The following CNTNAP2 variants were observed in gnomAD, a reference collection of about 807,000 sequenced individuals.
CNTNAP2 encodes the protein contactin-associated protein-like 2.
In CNTNAP2, 98 loss-of-function variants were observed where a neutral mutation model predicts 155.2. The ratio of observed to expected loss-of-function variants is 0.63; its 90% CI spans 0.54 to 0.75. The LOEUF (loss-of-function observed/expected upper bound fraction) is 0.75. Ranked by LOEUF, CNTNAP2 falls within the 30% of genes least tolerant of loss-of-function variation. CNTNAP2 has a pLI of 0.00. For missense variants in CNTNAP2, 1,727 were observed against 1,688.1 expected (o/e 1.02, Z -0.40); for synonymous variants, 651 against 631.2 (o/e 1.03, Z -0.47).
In CNTNAP2 at chr7:147,040,699, G is replaced by A. The variant is rs546895922; in HGVS notation, c.403-3208G>A. The stretch of plus-strand genomic sequence containing the variant: ...TGGTCTTGAACTCCTGACCTCAAGC[G>A]ATCAGCCCACCTTGGTCTCCCAAAG... On this transcript the variant is annotated intron_variant, in intron 3 of 23. Coordinates refer to ENST00000361727, the MANE Select transcript of CNTNAP2 (RefSeq NM_014141.6). Among the ~76,000 whole-genome samples, 6 of 152,056 alleles carry A rather than the reference G, an allele frequency of 3.9e-5. No individual in the cohort carries two copies. The South Asian group carries it at 8.3e-4, about 21-fold the overall frequency.
At chr7:147,706,554 G>T (rs1040694095) in intron 13 of CNTNAP2, among the ~76,000 whole-genome samples, 3 of 152,008 alleles carry the variant, frequency 2.0e-5, no homozygotes, top group African/African-American at 7.2e-5. Context: ...GCTGGTTTTA[G>T]AATTCTCTCT....
At chr7:146,456,204 G>T (rs1010825024) in intron 1 of CNTNAP2, among the ~76,000 whole-genome samples, 2 of 152,108 alleles carry the variant, frequency 1.3e-5, no homozygotes, top group Non-Finnish European at 2.9e-5. Context: ...AAAATAAAAG[G>T]TGGTTGATTT....
At chr7:148,285,849 T>A (rs897437398) in intron 21 of CNTNAP2, among the ~76,000 whole-genome samples, 3 of 152,192 alleles carry the variant, frequency 2.0e-5, no homozygotes, top group Admixed American at 6.5e-5. Context: ...TGACCCCCTA[T>A]GCAGTCAAAA....
Position 147,225,878 on chromosome 7 carries a change from AGAAGGAAG to A in CNTNAP2, c.1349-74243_1349-74236del, listed in dbSNP as rs3084356. 2.5e-3 allele frequency among the ~76,000 whole-genome samples: 278 copies of A among 111,656 alleles called. 4 individuals carry two copies. In the East Asian group the frequency reaches 0.034, roughly 14 times the overall value. 73.3% of individuals were successfully genotyped at this position (111,656 alleles called of 152,430 possible). A position where few individuals can be genotyped will look rare whatever the true frequency, so the allele number is the denominator to read the frequency against. ...AGGAGGGAAAGAAGGAAGGAGGGAAAGAAGGAAGGAAGGAAGGAAGGAAGGAAAGAAGG... is the reference window on the plus strand; with the variant it reads ...AGGAGGGAAAGAAGGAAGGAGGGAAAGAAGGAAGGAAGGAAGGAAAGAAGG... On this transcript the variant is annotated intron_variant, in intron 8 of 23. Coordinates refer to ENST00000361727, the MANE Select transcript of CNTNAP2 (RefSeq NM_014141.6).
chr7:148,227,063 C>A (rs532105454), intron 19 of CNTNAP2, among the ~76,000 whole-genome samples: 57 of 152,168 alleles, frequency 3.7e-4, no homozygotes, highest in African/African-American at 1.3e-3. Flanking sequence ...GGCCTGAATA[C>A]AAAAGAGAAT....
At chr7:147,590,182 T>C (rs545768341) in intron 12 of CNTNAP2, among the ~76,000 whole-genome samples, 63 of 152,314 alleles carry the variant, frequency 4.1e-4, no homozygotes, top group African/African-American at 1.4e-3. Context: ...TACTTTTTCT[T>C]TCCTCATCCT....
At chr7:146,910,699 A>G (rs1378408547) in intron 3 of CNTNAP2, among the ~76,000 whole-genome samples, 1 of 150,232 alleles carries the variant, frequency 6.7e-6, no homozygotes, top group Non-Finnish European at 1.5e-5. Flanking sequence ...AACCATAAAA[A>G]CCCTAGAAGA....
intron 1 of CNTNAP2, among the ~76,000 whole-genome samples, chr7:146,132,055 C>G (rs150772371): frequency 2.0e-5 from 3 of 152,172 alleles, no homozygotes; most frequent in African/African-American, 4.8e-5. Context: ...TACCCAATCT[C>G]AGGTAGATTC....
At chr7:147,899,216 T>C (rs1799821431) in intron 13 of CNTNAP2, among the ~76,000 whole-genome samples, 1 of 152,156 alleles carries the variant, frequency 6.6e-6, no homozygotes. Context: ...GGCATGTGCC[T>C]GTAGTTCCAG....
chr7:146,790,959 C>T (rs542202817), intron 2 of CNTNAP2, among the ~76,000 whole-genome samples: 39 of 151,642 alleles, frequency 2.6e-4, no homozygotes, highest in Non-Finnish European at 4.9e-4. Context: ...CTGGGGTACA[C>T]GTGTGGAATG....
intron 15 of CNTNAP2, among the ~76,000 whole-genome samples, chr7:148,112,454 A>G (rs1384496126): frequency 7.0e-6 from 1 of 142,266 alleles, no homozygotes; most frequent in Non-Finnish European, 1.6e-5. Flanking sequence ...ATAGTGTCTT[A>G]CTGTTGCCCA....
chr7:146,152,239 T>C (rs1247125077), intron 1 of CNTNAP2, among the ~76,000 whole-genome samples: 1 of 151,986 alleles, frequency 6.6e-6, no homozygotes, highest in Non-Finnish European at 1.5e-5. Flanking sequence ...TGGAGGAAAT[T>C]ATGTTAAATG....
chr7:148,277,381 A>T (rs1796887856), intron 21 of CNTNAP2, among the ~76,000 whole-genome samples: 1 of 151,834 alleles, frequency 6.6e-6, no homozygotes, highest in African/African-American at 2.4e-5. Flanking sequence ...TCAATCTCCC[A>T]CTTGAGAGAC....
chr7:147,219,942 A>ATTT (rs34947567), intron 8 of CNTNAP2, among the ~76,000 whole-genome samples: 18 of 122,998 alleles, frequency 1.5e-4, no homozygotes, highest in Non-Finnish European at 1.9e-4. Context: ...CGCCCAGCTA[A>ATTT]TTTTTTTTTT....
chr7:147,289,410 A>T (rs890144246), intron 8 of CNTNAP2, among the ~76,000 whole-genome samples: 1 of 152,118 alleles, frequency 6.6e-6, no homozygotes, highest in Non-Finnish European at 1.5e-5. Flanking sequence ...ATACTAAAAA[A>T]AAAACAGGAG....
At chr7:147,304,156 GTCC>G (rs1424928921) in intron 9 of CNTNAP2, among the ~76,000 whole-genome samples, 1 of 152,076 alleles carries the variant, frequency 6.6e-6, no homozygotes, top group African/African-American at 2.4e-5. Flanking sequence ...CAAAGTCTTA[GTCC>G]TCCTTTGTAA....
At chr7:147,234,334 C>CTTTTTTT (rs1225048153) in intron 8 of CNTNAP2, among the ~76,000 whole-genome samples, 11 of 107,548 alleles carry the variant, frequency 1.0e-4, no homozygotes, top group South Asian at 3.4e-4. Context: ...CAAGAGTATT[C>CTTTTTTT]TTTTTTTTTT....
intron 11 of CNTNAP2, among the ~76,000 whole-genome samples, chr7:147,532,946 A>C (rs1799469381): frequency 6.6e-6 from 1 of 152,198 alleles, no homozygotes; most frequent in African/African-American, 2.4e-5. Flanking sequence ...GACACAGCCA[A>C]ACCATATCAA....
At chr7:146,852,770 A>G (rs1163333717) in intron 3 of CNTNAP2, among the ~76,000 whole-genome samples, 1 of 152,192 alleles carries the variant, frequency 6.6e-6, no homozygotes, top group Non-Finnish European at 1.5e-5. Context: ...CTGCTTGAAA[A>G]TGGCAGGTTT....
Sources: allele counts gnomAD v4.1 joint callset (sites outside exome capture counted in the v4.1 genomes callset), GRCh38; gene constraint gnomAD v4.1.1; transcripts MANE v1.5; gene names NCBI Gene and HGNC (gene_info 2026-07-23, HGNC 2026-07-21).